The following SMOC2 variants were observed in gnomAD, a reference collection of about 807,000 sequenced individuals.
The protein encoded by SMOC2 is SPARC related modular calcium binding 2, also known as SPARC-related modular calcium-binding protein 2.
In SMOC2, 39 loss-of-function variants were observed where a neutral mutation model predicts 61.4. The observed-to-expected ratio is 0.64, with a 90% CI of 0.49 to 0.83. SMOC2 has a LOEUF of 0.83. Ranked by LOEUF, SMOC2 falls within the 40% of genes least tolerant of loss-of-function variation. The pLI is 0.00. For synonymous variants in SMOC2, 247 were observed against 239.9 expected, an observed-to-expected ratio of 1.03 and a Z score of -0.27; for missense variants, 556 against 592.9, an observed-to-expected ratio of 0.94 and a Z score of 0.65.
rs902004223 is a variant in SMOC2 at position 168,655,359 on chromosome 6, C to CT, written c.1285+2139dup. 15 of 454,722 alleles carry CT rather than the reference C, an allele frequency of 3.3e-5. No individual in the cohort carries two copies. In the East Asian group the frequency reaches 4.2e-4, roughly 13 times the overall value. The allele number at this position is 454,722 out of a possible 1,614,324, so 28.2% of individuals were successfully genotyped here. A position where few individuals can be genotyped will look rare whatever the true frequency, so the allele number is the denominator to read the frequency against. On this transcript the variant is annotated intron_variant, in intron 11 of 12. Coordinates refer to ENST00000356284, the MANE Select transcript of SMOC2 (RefSeq NM_001166412.2). ...ATAGCAGTTTTAACAATTGAAAATACTTTTTTTTGTGGGCCTGGCCTACCC... is the reference window on the plus strand; with the variant it reads ...ATAGCAGTTTTAACAATTGAAAATACTTTTTTTTTGTGGGCCTGGCCTACCC...
At chr6:168,641,826 A>G (rs1786897477) in intron 9 of SMOC2, among the ~76,000 whole-genome samples, 1 of 152,214 alleles carries the variant, frequency 6.6e-6, no homozygotes. Flanking sequence ...GCCCACTTCT[A>G]TCAGTGTATT....
intron 1 of SMOC2, among the ~76,000 whole-genome samples, chr6:168,458,233 CG>C (rs1472363806): frequency 6.6e-6 from 1 of 152,094 alleles, no homozygotes; most frequent in Non-Finnish European, 1.5e-5. Flanking sequence ...GGGAGGGAGA[CG>C]GTCTCACCCT....
chr6:168,576,034 C>T (rs1219005759), intron 7 of SMOC2, among the ~76,000 whole-genome samples: 4 of 152,046 alleles, frequency 2.6e-5, no homozygotes, highest in Non-Finnish European at 5.9e-5. Flanking sequence ...GCCTGGTGGC[C>T]TGGGTCTGAA....
chr6:168,650,568 A>T, intron 9 of SMOC2, 113 bp from the exon 10 acceptor site: 1 of 907,794 alleles, frequency 1.1e-6, no homozygotes, highest in Non-Finnish European at 1.7e-6. Flanking sequence ...CATTAAGATT[A>T]AGGTAGGCCA....
At chr6:168,537,535 A>G (rs192420403) in intron 4 of SMOC2, among the ~76,000 whole-genome samples, 3 of 152,378 alleles carry the variant, frequency 2.0e-5, no homozygotes, top group Admixed American at 6.5e-5. Context: ...AGCTGGTCCT[A>G]TTTAGGGAGA....
At chr6:168,485,582 TCATA>T (rs1782311994) in intron 1 of SMOC2, among the ~76,000 whole-genome samples, 1 of 152,156 alleles carries the variant, frequency 6.6e-6, no homozygotes, top group Admixed American at 6.5e-5. Context: ...CGACCTCATA[TCATA>T]TGAGTCTCTA....
intron 1 of SMOC2, among the ~76,000 whole-genome samples, chr6:168,477,109 C>T (rs1177751672): frequency 6.6e-6 from 1 of 152,232 alleles, no homozygotes; most frequent in African/African-American, 2.4e-5. Context: ...GTTTCATTTT[C>T]ATGTGGGTCT....
intron 4 of SMOC2, among the ~76,000 whole-genome samples, chr6:168,531,216 T>C (rs1783594650): frequency 6.6e-6 from 1 of 152,038 alleles, no homozygotes; most frequent in Non-Finnish European, 1.5e-5. Context: ...GGGGGGTCAA[T>C]TTTGTGATTG....
chr6:168,475,730 G>A lies in SMOC2; in HGVS notation c.85-34185G>A, dbSNP rs913114196. On this transcript the variant is annotated intron_variant, in intron 1 of 12. Transcript: ENST00000356284. This position sits in a 1 kb window ranked among gnomAD's most constrained non-coding sequence, Gnocchi z 4.6. ...GTGTGGGTCGAGGACACTGCTCGGC[G>A]TTAGAAGAAGAAGTAGTGAAGGGCA... Among the ~76,000 whole-genome samples, 9 of 151,972 alleles carry A rather than the reference G, an allele frequency of 5.9e-5. No homozygotes were observed. The highest frequency in any genetic ancestry group is 2.1e-4 in the South Asian group (1 of 4,824).
intron 9 of SMOC2, among the ~76,000 whole-genome samples, chr6:168,635,164 C>T (rs1346399955): frequency 1.3e-5 from 2 of 152,158 alleles, no homozygotes; most frequent in Non-Finnish European, 2.9e-5. Context: ...TGGGGTTGGT[C>T]AAAATCCATC....
intron 11 of SMOC2, among the ~76,000 whole-genome samples, chr6:168,658,977 T>G (rs566926266): frequency 1.5e-4 from 23 of 149,804 alleles, no homozygotes; most frequent in Middle Eastern, 3.4e-3. Flanking sequence ...TGTGTGTGTA[T>G]GGTGTGTGTG....
intron 9 of SMOC2, among the ~76,000 whole-genome samples, chr6:168,640,371 G>A (rs1388536774): frequency 6.6e-6 from 1 of 152,140 alleles, no homozygotes. Flanking sequence ...GGGGCAGGCT[G>A]CGGCGGGGGG....
Position 168,458,467 on chromosome 6 carries a change from G to A in SMOC2, c.84+17013G>A, listed in dbSNP as rs557057333. ...TGGATTCCCACTCGCCATGGGTTTG[G>A]ACCAGCTTCTGAGTCTCAGTCTTTC... On this transcript the variant is annotated intron_variant, in intron 1 of 12. Transcript: ENST00000356284. Among the ~76,000 whole-genome samples the A allele has an allele frequency of 1.7e-3, 265 of 152,346 alleles. 1 individual carries two copies. Among genetic ancestry groups the A allele is most frequent in the African/African-American group, 6.1e-3 (255 of 41,590 alleles).
intron 7 of SMOC2, among the ~76,000 whole-genome samples, chr6:168,589,775 C>T (rs1321039329): frequency 6.2e-5 from 5 of 81,278 alleles, no homozygotes; most frequent in East Asian, 7.8e-4. Flanking sequence ...GGGCAGCCGG[C>T]CTGGTGGTGG....
chr6:168,616,296 C>A (rs889588474), intron 9 of SMOC2, among the ~76,000 whole-genome samples: 3 of 152,262 alleles, frequency 2.0e-5, no homozygotes, highest in African/African-American at 7.2e-5. Flanking sequence ...GAGCTATCTG[C>A]ACTCTGTGTC....
At chr6:168,614,495 TC>T (rs1434285755) in intron 9 of SMOC2, among the ~76,000 whole-genome samples, 1 of 43,100 alleles carries the variant, frequency 2.3e-5, no homozygotes, top group Admixed American at 2.7e-4. Flanking sequence ...CAGGGCCTCT[TC>T]ACACCTACAG....
intron 2 of SMOC2, among the ~76,000 whole-genome samples, chr6:168,510,937 T>C (rs552861949): frequency 6.6e-6 from 1 of 152,342 alleles, no homozygotes; most frequent in Admixed American, 6.5e-5. Flanking sequence ...CATTCCTATA[T>C]ACGGTCACAA....
chr6:168,560,435 A>AT (rs1266123023), intron 7 of SMOC2, among the ~76,000 whole-genome samples: 47 of 152,270 alleles, frequency 3.1e-4, no homozygotes, highest in East Asian at 1.9e-4. Context: ...GGTCATATTT[A>AT]TTTTTTAAAA....
intron 1 of SMOC2, among the ~76,000 whole-genome samples, chr6:168,489,845 C>A (rs1048311244): frequency 6.7e-6 from 1 of 148,330 alleles, no homozygotes; most frequent in Non-Finnish European, 1.5e-5. Context: ...TGAAATATAT[C>A]GAATCATCTG....
Sources: gnomAD v4.1 joint callset for allele counts (sites outside exome capture counted in the v4.1 genomes callset) on GRCh38, gnomAD v4.1.1 for gene constraint, Gnocchi (gnomAD v3.1) non-coding constraint, MANE v1.5 for transcripts, NCBI Gene and HGNC (gene_info 2026-07-23, HGNC 2026-07-21) for gene names.